Variants in INPP4B observed in about 807,000 individuals in gnomAD.
INPP4B encodes inositol polyphosphate 4-phosphatase type II.
INPP4B carries 55 observed loss-of-function variants against 122.5 expected under a neutral mutation model. The observed-to-expected ratio is 0.45, with a 90% CI of 0.36 to 0.56. The LOEUF is 0.56. INPP4B is among the 20% of genes least tolerant of loss of function. The pLI, the probability that INPP4B is intolerant of heterozygous loss-of-function variation, is 0.00. For synonymous variants in INPP4B, 403 were observed against 388.7 expected, an observed-to-expected ratio of 1.04 and a Z score of -0.43; for missense variants, 1,000 against 1,097.7, an observed-to-expected ratio of 0.91 and a Z score of 1.26.
At chr4:142,293,040 C>CTTTTT (rs367850143) in intron 9 of INPP4B, among the ~76,000 whole-genome samples, 2 of 145,928 alleles carry the variant, frequency 1.4e-5, no homozygotes. Context: ...TTTTTATACC[C>CTTTTT]TTTTTTTTTT....
chr4:142,627,269 G>T (rs1300119739), intron 2 of INPP4B, among the ~76,000 whole-genome samples: 1 of 151,054 alleles, frequency 6.6e-6, no homozygotes, highest in Non-Finnish European at 1.5e-5. Flanking sequence ...AATTGCCCTG[G>T]CCAGAACTTC....
intron 10 of INPP4B, among the ~76,000 whole-genome samples, chr4:142,268,407 G>T (rs1744081914): frequency 6.9e-6 from 1 of 145,918 alleles, no homozygotes; most frequent in Non-Finnish European, 1.5e-5. Context: ...CTTATGCACT[G>T]TTGAGAATGT....
chr4:142,677,497 T>C (rs2150666694), intron 2 of INPP4B, among the ~76,000 whole-genome samples: 1 of 152,110 alleles, frequency 6.6e-6, no homozygotes, highest in South Asian at 2.1e-4. Context: ...TACCGTGTAA[T>C]ACCCAAAGGA....
intron 12 of INPP4B, among the ~76,000 whole-genome samples, chr4:142,211,265 C>T (rs1462629971): frequency 6.6e-6 from 1 of 151,992 alleles, no homozygotes; most frequent in Non-Finnish European, 1.5e-5. Flanking sequence ...AATTAATAAG[C>T]ACATTAATTT....
chr4:142,456,594 T>C (rs1042762426), intron 3 of INPP4B, among the ~76,000 whole-genome samples: 15 of 152,066 alleles, frequency 9.9e-5, no homozygotes, highest in Admixed American at 5.9e-4. Flanking sequence ...GTTCTTCATA[T>C]AGAATATAAA....
At chr4:142,263,607 G>T (rs1477796177) in intron 10 of INPP4B, among the ~76,000 whole-genome samples, 2 of 106,986 alleles carry the variant, frequency 1.9e-5, no homozygotes, top group African/African-American at 6.6e-5. Context: ...TATTAGTGAG[G>T]AAAATAGACC....
chr4:142,245,842 ATG>A (rs1194094238), intron 11 of INPP4B, among the ~76,000 whole-genome samples: 2 of 91,630 alleles, frequency 2.2e-5, no homozygotes, highest in Non-Finnish European at 2.4e-5. Flanking sequence ...ATACATATAT[ATG>A]TGTATGTATA....
At chr4:142,788,718 G>A (rs921930111) in intron 1 of INPP4B, among the ~76,000 whole-genome samples, 7 of 152,100 alleles carry the variant, frequency 4.6e-5, no homozygotes, top group African/African-American at 1.2e-4. Context: ...AACATATGAT[G>A]TTTGGTTTTC....
intron 5 of INPP4B, among the ~76,000 whole-genome samples, chr4:142,416,097 T>C (rs1805702677): frequency 1.3e-5 from 2 of 152,104 alleles, no homozygotes; most frequent in African/African-American, 4.8e-5. Flanking sequence ...GGCACATGTA[T>C]ACATATGTAA....
intron 2 of INPP4B, among the ~76,000 whole-genome samples, chr4:142,708,005 A>G (rs1257670815): frequency 6.6e-6 from 1 of 152,212 alleles, no homozygotes. Context: ...ATGAGAACTT[A>G]TTGGGAAATG....
intron 7 of INPP4B, among the ~76,000 whole-genome samples, chr4:142,323,604 C>A (rs1771056307): frequency 6.6e-6 from 1 of 151,970 alleles, no homozygotes; most frequent in African/African-American, 2.4e-5. Flanking sequence ...CGCCACCACG[C>A]CTGGCTAATT....
chr4:142,268,877 G>GT (rs201004642), intron 10 of INPP4B, among the ~76,000 whole-genome samples: 1 of 152,048 alleles, frequency 6.6e-6, no homozygotes, highest in Admixed American at 6.6e-5. Flanking sequence ...AACTGCCTTT[G>GT]TTTTTTTCCC....
At chr4:142,554,860 A>G (rs1474865756) in intron 2 of INPP4B, among the ~76,000 whole-genome samples, 1 of 152,240 alleles carries the variant, frequency 6.6e-6, no homozygotes, top group African/African-American at 2.4e-5. Flanking sequence ...AAAATGATGC[A>G]TTAAACATAC....
intron 21 of INPP4B, among the ~76,000 whole-genome samples, chr4:142,114,788 A>T (rs971867152): frequency 6.6e-6 from 1 of 151,868 alleles, no homozygotes; most frequent in African/African-American, 2.4e-5. Context: ...CTATTTATCT[A>T]TTTTCTTCTT....
At chr4:142,329,114 A>G (rs1206638502) in intron 7 of INPP4B, among the ~76,000 whole-genome samples, 2 of 152,240 alleles carry the variant, frequency 1.3e-5, no homozygotes, top group African/African-American at 2.4e-5. Flanking sequence ...ACTACATTCT[A>G]GCATCAGGAA....
intron 2 of INPP4B, among the ~76,000 whole-genome samples, chr4:142,491,509 T>C (rs1228767453): frequency 6.6e-6 from 1 of 151,924 alleles, no homozygotes. Flanking sequence ...CAAAAAAAAT[T>C]AGCCAGACAT....
At chr4:142,297,713 C>G (rs1759384955) in intron 9 of INPP4B, among the ~76,000 whole-genome samples, 1 of 152,146 alleles carries the variant, frequency 6.6e-6, no homozygotes, top group South Asian at 2.1e-4. Flanking sequence ...TGCCCAGCCT[C>G]AAGTATTTCT....
chr4:142,205,819 A>G (rs1210427513), intron 14 of INPP4B, among the ~76,000 whole-genome samples: 1 of 152,098 alleles, frequency 6.6e-6, no homozygotes, highest in East Asian at 1.9e-4. Context: ...GATAGTTCTT[A>G]AGTATTTTAG....
At chr4:142,100,283 T>C (rs898237589) in intron 23 of INPP4B, among the ~76,000 whole-genome samples, 5 of 152,062 alleles carry the variant, frequency 3.3e-5, no homozygotes, top group African/African-American at 1.2e-4. Context: ...ACCTTTCTGT[T>C]TCTTAAGGGC....
Sources: gnomAD v4.1 joint callset for allele counts (sites outside exome capture counted in the v4.1 genomes callset) on GRCh38, gnomAD v4.1.1 for gene constraint, MANE v1.5 for transcripts, NCBI Gene and HGNC (gene_info 2026-07-23, HGNC 2026-07-21) for gene names.